Variants in INO80 observed in about 807,000 individuals in gnomAD.
INO80 encodes chromatin-remodeling ATPase INO80.
In INO80, 20 loss-of-function variants were observed where a neutral mutation model predicts 203.4. That is an observed-to-expected ratio of 0.10 (90% CI 0.07 to 0.14). INO80 has a LOEUF of 0.14. INO80 is among the 10% of genes least tolerant of loss of function. The pLI is 1.00. For synonymous variants in INO80, 726 were observed against 685.2 expected, an observed-to-expected ratio of 1.06 and a Z score of -0.93; for missense variants, 1,419 against 1,914.4, an observed-to-expected ratio of 0.74 and a Z score of 4.83.
intron 27 of INO80, among the ~76,000 whole-genome samples, chr15:41,015,590 C>T (rs1026210627): frequency 3.3e-5 from 5 of 151,770 alleles, no homozygotes; most frequent in Non-Finnish European, 5.9e-5. Flanking sequence ...TTCACATACT[C>T]CCCATGCCAG....
At chr15:41,056,564 C>T in intron 17 of INO80, 58 bp downstream of exon 17, 1 of 1,277,700 alleles carries the variant, frequency 7.8e-7, no homozygotes, top group Non-Finnish European at 1.1e-6. Context: ...ATTCTATGCT[C>T]TGCTGGAATC....
At chr15:41,037,405 G>A (rs1223369733) in intron 24 of INO80, among the ~76,000 whole-genome samples, 1 of 151,982 alleles carries the variant, frequency 6.6e-6, no homozygotes, top group Non-Finnish European at 1.5e-5. Flanking sequence ...TTGGGAGGCT[G>A]AGGCAGGAGA....
chr15:40,998,211 CG>C (rs1255299008), intron 28 of INO80, among the ~76,000 whole-genome samples: 1 of 151,700 alleles, frequency 6.6e-6, no homozygotes, highest in African/African-American at 2.4e-5. Context: ...TTAGTAGAGA[CG>C]GGGTTTCATC....
At chr15:41,088,230 C>T (rs1437441512) in intron 5 of INO80, among the ~76,000 whole-genome samples, 7 of 151,436 alleles carry the variant, frequency 4.6e-5, no homozygotes, top group African/African-American at 1.7e-4. Context: ...GCTGGGATTA[C>T]AAGCACACGC....
intron 10 of INO80, among the ~76,000 whole-genome samples, 166 bp downstream of exon 10, chr15:41,074,204 A>G (rs553302218): frequency 1.3e-5 from 2 of 152,298 alleles, no homozygotes; most frequent in Admixed American, 1.3e-4. Context: ...AAATGGTCTT[A>G]TACTTCTGTT....
rs1349587685 is a variant in INO80, at chr15:41,055,522, A to AT, written c.2071-159dup. On this transcript the variant is annotated intron_variant, in intron 17 of 35. Coordinates refer to ENST00000648947, the MANE Select transcript of INO80 (RefSeq NM_017553.3). ...ACAGAAAATGAATGAATTCAACTACATTCTTGCCTCATCAACCAACCCTAA... is the reference window on the plus strand; with the variant it reads ...ACAGAAAATGAATGAATTCAACTACATTTCTTGCCTCATCAACCAACCCTAA... Among the ~76,000 whole-genome samples, 35 of 152,374 alleles carry AT rather than the reference A, an allele frequency of 2.3e-4. 1 individual carries two copies. The highest frequency in any genetic ancestry group is 7.9e-4 in the African/African-American group (33 of 41,592).
rs866066111 is a variant in INO80, at chr15:41,086,532, T to A, written c.659-949A>T. ...CAGGTATAGTGGCGTGCACCTTTAATCCCAACTACTCGGGAGGCTGAGGCA... is the reference window on the plus strand; with the variant it reads ...CAGGTATAGTGGCGTGCACCTTTAAACCCAACTACTCGGGAGGCTGAGGCA... On this transcript the variant is annotated intron_variant, in intron 6 of 35. Coordinates refer to ENST00000648947, the MANE Select transcript of INO80 (RefSeq NM_017553.3). Among the ~76,000 whole-genome samples the A allele has an allele frequency of 6.0e-5, 9 of 151,252 alleles. No homozygotes were observed. In the South Asian group the frequency reaches 1.9e-3, roughly 32 times the overall value.
At chr15:41,081,659 G>A (rs1476026252) in intron 7 of INO80, among the ~76,000 whole-genome samples, 1 of 152,068 alleles carries the variant, frequency 6.6e-6, no homozygotes, top group Non-Finnish European at 1.5e-5. Flanking sequence ...CTCTAGCTAA[G>A]GGGAAAAACA....
At chr15:41,007,249 C>T (rs1452869090) in intron 27 of INO80, among the ~76,000 whole-genome samples, 1 of 140,482 alleles carries the variant, frequency 7.1e-6, no homozygotes, top group Non-Finnish European at 1.5e-5. Context: ...GTGGCACAAT[C>T]GTGGTTCACT....
At chr15:41,001,698 C>T (rs2043960833) in intron 28 of INO80, among the ~76,000 whole-genome samples, 1 of 152,202 alleles carries the variant, frequency 6.6e-6, no homozygotes, top group Non-Finnish European at 1.5e-5. Context: ...TCAGGACATC[C>T]TGGCCAAACA....
intron 18 of INO80, among the ~76,000 whole-genome samples, chr15:41,054,880 C>A (rs1049395308): frequency 3.9e-5 from 6 of 152,108 alleles, no homozygotes; most frequent in African/African-American, 1.4e-4. Flanking sequence ...TAACGTGATC[C>A]GCCCACCTTA....
intron 16 of INO80, among the ~76,000 whole-genome samples, chr15:41,057,276 GA>G (rs1182659528): frequency 6.6e-6 from 1 of 151,520 alleles, no homozygotes; most frequent in African/African-American, 2.4e-5. Context: ...GCAGCATGGA[GA>G]AACCCCGTGT....
At chr15:40,981,134 G>A (rs1175100325) in intron 35 of INO80, among the ~76,000 whole-genome samples, 2 of 152,192 alleles carry the variant, frequency 1.3e-5, no homozygotes, top group Non-Finnish European at 1.5e-5. Context: ...TTCCAAAAAA[G>A]AATTCTAAGT....
At chr15:41,063,283 G>A (rs1452726388) in intron 14 of INO80, among the ~76,000 whole-genome samples, 1 of 152,108 alleles carries the variant, frequency 6.6e-6, no homozygotes, top group Non-Finnish European at 1.5e-5. Flanking sequence ...GTTGCAGTAA[G>A]CTGAGATCAC....
rs756893944 is a variant in INO80, at chr15:41,079,683, G to A, written c.1131+18C>T. 9.9e-6 allele frequency: 16 copies of A among 1,608,904 alleles called. No individual in the cohort carries two copies. The Admixed American group carries it at 2.5e-4, about 25-fold the overall frequency. On this transcript the variant is annotated intron_variant, in intron 9 of 35. Transcript: ENST00000648947. ...CTGTAGTAATTAGGGTTTTCAAAAT[G>A]TTATGCTTTTGCCCTACCTCCCGCA...
chr15:41,051,173 ACTGT>A (rs1269067538), intron 19 of INO80, among the ~76,000 whole-genome samples: 3 of 151,012 alleles, frequency 2.0e-5, no homozygotes, highest in Non-Finnish European at 2.9e-5. Flanking sequence ...AACCTACCTT[ACTGT>A]CTGAGTTTCT....
intron 1 of INO80, among the ~76,000 whole-genome samples, chr15:41,103,869 G>A (rs1315329961): frequency 6.6e-6 from 1 of 152,012 alleles, no homozygotes; most frequent in Non-Finnish European, 1.5e-5. Flanking sequence ...CCTTTAAAAT[G>A]TCTCTTAACT....
intron 27 of INO80, among the ~76,000 whole-genome samples, chr15:41,006,888 G>C (rs996976053): frequency 1.3e-5 from 2 of 152,196 alleles, no homozygotes; most frequent in African/African-American, 2.4e-5. Flanking sequence ...AATAAAGTGA[G>C]CTTCAAGTTC....
chr15:41,058,830 A>T, intron 15 of INO80, 49 bp from the exon 16 acceptor site: 5 of 1,565,506 alleles, frequency 3.2e-6, no homozygotes, highest in Non-Finnish European at 4.4e-6. Flanking sequence ...AATAATTCAT[A>T]ATAAGGAACT....
Sources: gnomAD v4.1 joint callset for allele counts (sites outside exome capture counted in the v4.1 genomes callset) on GRCh38, gnomAD v4.1.1 for gene constraint, MANE v1.5 for transcripts, NCBI Gene and HGNC (gene_info 2026-07-23, HGNC 2026-07-21) for gene names.